Variants in TMEM50A observed in about 807,000 individuals in gnomAD.
The protein encoded by TMEM50A is cervical cancer oncogene 9.
A neutral mutation model predicts 23.9 loss-of-function variants in TMEM50A; 8 were observed. That is an observed-to-expected ratio of 0.33 (90% CI 0.20 to 0.60). The LOEUF (loss-of-function observed/expected upper bound fraction) is 0.60. TMEM50A is among the 20% of genes least tolerant of loss of function. The probability of loss-of-function intolerance (pLI) is 0.81; values close to 1 mark genes in which losing one functional copy is unlikely to be tolerated. For synonymous variants in TMEM50A, 55 were observed against 60.4 expected, an observed-to-expected ratio of 0.91 and a Z score of 0.41; for missense variants, 178 against 192.7, an observed-to-expected ratio of 0.92 and a Z score of 0.45.
chr1:25,339,569 G>T (rs182179990), intron 1 of TMEM50A, among the ~76,000 whole-genome samples: 1 of 152,164 alleles, frequency 6.6e-6, no homozygotes, highest in Non-Finnish European at 1.5e-5. Context: ...TCTTGATTTA[G>T]GTGTGAAGAA....
chr1:25,344,331 G>A (rs1405770837), intron 3 of TMEM50A, among the ~76,000 whole-genome samples: 1 of 152,124 alleles, frequency 6.6e-6, no homozygotes, highest in African/African-American at 2.4e-5. Flanking sequence ...ATTTTAATAG[G>A]AGCATTCCTG....
At chr1:25,339,504 G>T (rs1031987846) in intron 1 of TMEM50A, among the ~76,000 whole-genome samples, 2 of 152,194 alleles carry the variant, frequency 1.3e-5, no homozygotes, top group Non-Finnish European at 2.9e-5. Flanking sequence ...AATAATGAAT[G>T]AAGTGAAAGG....
intron 3 of TMEM50A, among the ~76,000 whole-genome samples, chr1:25,345,616 C>T (rs1645206842): frequency 1.3e-5 from 2 of 150,144 alleles, no homozygotes; most frequent in African/African-American, 2.5e-5. Flanking sequence ...CACGGTGTTG[C>T]GTGCCTGTAG....
At chr1:25,349,888 C>A (rs1444737679) in intron 3 of TMEM50A, among the ~76,000 whole-genome samples, 1 of 152,246 alleles carries the variant, frequency 6.6e-6, no homozygotes, top group African/African-American at 2.4e-5. Flanking sequence ...TAGACACACA[C>A]AACTAAATGG....
intron 2 of TMEM50A, among the ~76,000 whole-genome samples, chr1:25,342,075 C>T (rs1398706804): frequency 5.3e-5 from 8 of 152,050 alleles, no homozygotes; most frequent in Non-Finnish European, 7.4e-5. Context: ...AAAAGAAAGG[C>T]ATATGTACTC....
At chr1:25,352,282 T>A (rs1645282035) in intron 4 of TMEM50A, among the ~76,000 whole-genome samples, 1 of 152,020 alleles carries the variant, frequency 6.6e-6, no homozygotes, top group South Asian at 2.1e-4. Flanking sequence ...GATCACAAGG[T>A]CAGGAGATCG....
At chr1:25,352,218 G>A (rs372229809) in intron 4 of TMEM50A, among the ~76,000 whole-genome samples, 1 of 152,064 alleles carries the variant, frequency 6.6e-6, no homozygotes, top group Non-Finnish European at 1.5e-5. Context: ...GGGAGCGGCC[G>A]GGCACAGTGG....
In TMEM50A at chr1:25,351,616, A is replaced by G; in HGVS notation, c.207-10A>G. Reference sequence around the variant, plus strand: ...GACCCTGATTTCTTGGTTTTATTTTATTCATACAGGATTAATGCAGTATCG... The same window carrying G: ...GACCCTGATTTCTTGGTTTTATTTTGTTCATACAGGATTAATGCAGTATCG... On this transcript the variant is annotated splice_polypyrimidine_tract_variant and intron_variant, in intron 3 of 6. Transcript: ENST00000374358. 1 of 1,599,478 alleles carries G rather than the reference A, an allele frequency of 6.3e-7. No homozygotes were observed. Among genetic ancestry groups the G allele is most frequent in the South Asian group, 1.1e-5 (1 of 87,380 alleles).
chr1:25,355,653 A>C (rs1300108487), intron 5 of TMEM50A, among the ~76,000 whole-genome samples: 5 of 152,208 alleles, frequency 3.3e-5, no homozygotes, highest in African/African-American at 1.2e-4. Context: ...ACCTATGCAA[A>C]CCATCTGTTA....
chr1:25,347,189 A>G (rs893696439), intron 3 of TMEM50A, among the ~76,000 whole-genome samples: 1 of 151,994 alleles, frequency 6.6e-6, no homozygotes, highest in African/African-American at 2.4e-5. Flanking sequence ...TCACACCTGT[A>G]TAGCCCCCAT....
chr1:25,359,772 C>T (rs1022775214), intron 6 of TMEM50A, among the ~76,000 whole-genome samples: 2 of 152,130 alleles, frequency 1.3e-5, no homozygotes, highest in African/African-American at 2.4e-5. Flanking sequence ...CTTCATCATC[C>T]CGCTAGGTCT....
At chr1:25,349,657 G>A (rs1214226996) in intron 3 of TMEM50A, among the ~76,000 whole-genome samples, 1 of 151,598 alleles carries the variant, frequency 6.6e-6, no homozygotes, top group Admixed American at 6.6e-5. Context: ...GTCTTACTAT[G>A]TTGCCCAGGC....
chr1:25,354,785 A>T (rs1265078193), intron 5 of TMEM50A, among the ~76,000 whole-genome samples: 1 of 151,894 alleles, frequency 6.6e-6, no homozygotes. Flanking sequence ...CTGCTATAAA[A>T]TCTGTTTTTT....
chr1:25,348,702 G>T (rs1645246297), intron 3 of TMEM50A, among the ~76,000 whole-genome samples: 1 of 150,798 alleles, frequency 6.6e-6, no homozygotes, highest in Non-Finnish European at 1.5e-5. Flanking sequence ...AAAAAAGTAG[G>T]ATATGCCAAT....
intron 2 of TMEM50A, 40 bp downstream of exon 2, chr1:25,340,619 GTTTGTGTTTATGGGT>G (rs748062168): frequency 6.5e-7 from 1 of 1,528,100 alleles, no homozygotes; most frequent in Non-Finnish European, 9.0e-7. Context: ...TTTTTGGTGC[GTTTGTGTTTATGGGT>G]TTTGAATTCT....
At chr1:25,358,266 T>G (rs1645358227) in intron 6 of TMEM50A, among the ~76,000 whole-genome samples, 1 of 152,192 alleles carries the variant, frequency 6.6e-6, no homozygotes, top group African/African-American at 2.4e-5. Flanking sequence ...TAACCTTTAT[T>G]CTTTCAGTAG....
intron 6 of TMEM50A, 23 bp downstream of exon 6, chr1:25,356,876 A>T: frequency 1.3e-6 from 2 of 1,546,684 alleles, no homozygotes; most frequent in Middle Eastern, 1.7e-4. Flanking sequence ...TGCATTCTTT[A>T]TGTTTGTTTG....
At chr1:25,348,153 G>A (rs1011323053) in intron 3 of TMEM50A, among the ~76,000 whole-genome samples, 3 of 152,092 alleles carry the variant, frequency 2.0e-5, no homozygotes, top group African/African-American at 7.2e-5. Context: ...CTTTATAAAT[G>A]TTTATCATCT....
At chr1:25,352,216 C>A (rs1003818032) in intron 4 of TMEM50A, among the ~76,000 whole-genome samples, 1 of 152,122 alleles carries the variant, frequency 6.6e-6, no homozygotes, top group Non-Finnish European at 1.5e-5. Context: ...CTGGGAGCGG[C>A]CGGGCACAGT....
Sources: allele counts gnomAD v4.1 joint callset (sites outside exome capture counted in the v4.1 genomes callset), GRCh38; gene constraint gnomAD v4.1.1; transcripts MANE v1.5; gene names NCBI Gene and HGNC (gene_info 2026-07-23, HGNC 2026-07-21).